The following PLOD2 variants were observed in gnomAD, a reference collection of about 807,000 sequenced individuals.
PLOD2 encodes lysine hydroxylase 2.
Under a neutral mutation model 101.0 loss-of-function variants are expected in PLOD2, and 65 were observed. That is an observed-to-expected ratio of 0.64 (90% CI 0.53 to 0.79). The LOEUF is 0.79. Among genes scored for constraint, PLOD2 ranks in the 30% least tolerant of loss-of-function variants. The pLI is 0.00. For synonymous variants in PLOD2, 314 were observed against 302.9 expected (o/e 1.04, Z -0.38); for missense variants, 909 against 914.6 (o/e 0.99, Z 0.08).
At chr3:146,127,271 C>T (rs1385623364) in intron 1 of PLOD2, among the ~76,000 whole-genome samples, 1 of 152,052 alleles carries the variant, frequency 6.6e-6, no homozygotes, top group Admixed American at 6.6e-5. Context: ...ATATCCATTA[C>T]CCACATAGTG....
At chr3:146,119,044 T>G (rs950124745) in intron 3 of PLOD2, among the ~76,000 whole-genome samples, 3 of 152,172 alleles carry the variant, frequency 2.0e-5, no homozygotes, top group African/African-American at 7.2e-5. Context: ...ACATCTCATG[T>G]TGAAACGTAA....
At chr3:146,125,866 T>A (rs1370445886) in intron 1 of PLOD2, among the ~76,000 whole-genome samples, 1 of 152,218 alleles carries the variant, frequency 6.6e-6, no homozygotes, top group African/African-American at 2.4e-5. Flanking sequence ...AAATAGGGAA[T>A]ACCACATTTT....
intron 1 of PLOD2, among the ~76,000 whole-genome samples, chr3:146,146,116 A>T (rs556842264): frequency 6.6e-6 from 1 of 152,264 alleles, no homozygotes; most frequent in South Asian, 2.1e-4. Context: ...AAAGTATTCA[A>T]CATGCTTAGA....
At chr3:146,158,927 A>G (rs1469929212) in intron 1 of PLOD2, among the ~76,000 whole-genome samples, 1 of 152,218 alleles carries the variant, frequency 6.6e-6, no homozygotes. Flanking sequence ...TTAGGGTCCT[A>G]TAGAAGATCT....
chr3:146,124,929 A>T (rs768867935), intron 1 of PLOD2, among the ~76,000 whole-genome samples: 15 of 152,170 alleles, frequency 9.9e-5, no homozygotes, highest in Non-Finnish European at 1.6e-4. Context: ...AATCCAACAT[A>T]ACACTTCTTT....
chr3:146,148,440 C>T (rs528122080), intron 1 of PLOD2, among the ~76,000 whole-genome samples: 2 of 150,928 alleles, frequency 1.3e-5, no homozygotes, highest in Admixed American at 6.6e-5. Context: ...TACCTAAATA[C>T]GAAGAATAAA....
chr3:146,137,565 C>T (rs2031302554), intron 1 of PLOD2, among the ~76,000 whole-genome samples: 1 of 152,140 alleles, frequency 6.6e-6, no homozygotes. Context: ...GACCCTTAAT[C>T]TCAGATATTC....
At chr3:146,148,249 A>G (rs1329995232) in intron 1 of PLOD2, among the ~76,000 whole-genome samples, 1 of 152,110 alleles carries the variant, frequency 6.6e-6, no homozygotes, top group Non-Finnish European at 1.5e-5. Flanking sequence ...CAATAACAAT[A>G]TTAAGATCAT....
intron 3 of PLOD2, among the ~76,000 whole-genome samples, chr3:146,112,428 C>T (rs564006982): frequency 2.6e-4 from 39 of 151,846 alleles, no homozygotes; most frequent in Non-Finnish European, 4.3e-4. Flanking sequence ...TGTTCTCACT[C>T]ATAAGTGGGA....
At chr3:146,102,311 C>T (rs1330000167) in intron 7 of PLOD2, among the ~76,000 whole-genome samples, 1 of 152,136 alleles carries the variant, frequency 6.6e-6, no homozygotes, top group Non-Finnish European at 1.5e-5. Flanking sequence ...ATGTCACTTT[C>T]ATTAACTGTA....
chr3:146,092,937 A>T (rs1271288115), intron 7 of PLOD2, among the ~76,000 whole-genome samples: 2 of 152,140 alleles, frequency 1.3e-5, no homozygotes, highest in African/African-American at 4.8e-5. Context: ...ATTTTGCCTC[A>T]TGCTATTTAA....
chr3:146,117,659 A>C (rs1576607771), intron 3 of PLOD2, among the ~76,000 whole-genome samples: 1 of 152,194 alleles, frequency 6.6e-6, no homozygotes, highest in East Asian at 1.9e-4. Context: ...GTGGGCACCC[A>C]TGTTTTCAGT....
chr3:146,141,671 T>A (rs191861871), intron 1 of PLOD2, among the ~76,000 whole-genome samples: 2 of 152,194 alleles, frequency 1.3e-5, no homozygotes, highest in South Asian at 2.1e-4. Context: ...CAAATCCTAG[T>A]TGATACACAG....
intron 1 of PLOD2, among the ~76,000 whole-genome samples, chr3:146,135,170 G>C (rs1365397250): frequency 6.6e-6 from 1 of 152,170 alleles, no homozygotes; most frequent in Non-Finnish European, 1.5e-5. Context: ...TTGAGGAGCA[G>C]CCCATCCTCA....
At chr3:146,125,254 T>A (rs1340075692) in intron 1 of PLOD2, among the ~76,000 whole-genome samples, 1 of 152,040 alleles carries the variant, frequency 6.6e-6, no homozygotes, top group African/African-American at 2.4e-5. Flanking sequence ...AACATGGCAA[T>A]AATGCATTAT....
chr3:146,076,275 A>G (rs527860279), intron 15 of PLOD2: 2 of 151,902 alleles, frequency 1.3e-5, no homozygotes, highest in South Asian at 4.1e-4. Context: ...ATGACATAAT[A>G]TTGTTCTTTT....
chr3:146,113,092 A>G (rs1229412319), intron 3 of PLOD2, among the ~76,000 whole-genome samples: 2 of 152,214 alleles, frequency 1.3e-5, no homozygotes, highest in Admixed American at 6.5e-5. Context: ...TATAGCTCAA[A>G]CTATTAATAA....
In PLOD2 at chr3:146,160,945, G is replaced by A. The variant is rs1311255881; in HGVS notation, c.45C>T (p.Leu15=). The A allele has an allele frequency of 2.5e-6, 4 of 1,600,078 alleles. No individual in the cohort carries two copies. Among genetic ancestry groups the A allele is most frequent in the East Asian group, 2.3e-5 (1 of 44,376 alleles). ...GACAGGGATTCCAGGGGTGGAGGAC[G>A]AGCGCCAGGAGCAGCAGCTGAGGCT... ...TVKPQLLLLA[L]VLHPWNPCLG... The change falls in exon 1 of 20, where the codon CTC becomes CTT. Residue 15 remains leucine, a synonymous_variant. Coordinates refer to ENST00000282903, the MANE Select transcript of PLOD2 (RefSeq NM_182943.3).
chr3:146,140,435 AACG>A (rs1465650592), intron 1 of PLOD2, among the ~76,000 whole-genome samples: 2 of 152,070 alleles, frequency 1.3e-5, no homozygotes, highest in Admixed American at 6.6e-5. Flanking sequence ...TGTCAGCTTC[AACG>A]ACCTCTCCCC....
Sources: allele counts gnomAD v4.1 joint callset (sites outside exome capture counted in the v4.1 genomes callset), GRCh38; gene constraint gnomAD v4.1.1; transcripts MANE v1.5; gene names NCBI Gene and HGNC (gene_info 2026-07-23, HGNC 2026-07-21).